Variants in GRM1 observed in about 807,000 individuals in gnomAD.
GRM1 encodes metabotropic glutamate receptor 1.
Under a neutral mutation model 90.9 loss-of-function variants are expected in GRM1, and 33 were observed. That is an observed-to-expected ratio of 0.36 (90% CI 0.28 to 0.49). The LOEUF (loss-of-function observed/expected upper bound fraction) is 0.49, where lower values mean the gene tolerates loss of function less well. Ranked by LOEUF, GRM1 falls within the 20% of genes least tolerant of loss-of-function variation. GRM1 has a pLI of 0.99. For missense variants in GRM1, 1,190 were observed against 1,534.3 expected, an observed-to-expected ratio of 0.78 and a Z score of 3.75; for synonymous variants, 700 against 613.2, an observed-to-expected ratio of 1.14 and a Z score of -2.09.
chr6:146,257,053 CTTT>C (rs1420432213), intron 2 of GRM1, among the ~76,000 whole-genome samples: 2 of 152,122 alleles, frequency 1.3e-5, no homozygotes, highest in Non-Finnish European at 2.9e-5. Context: ...TCTCATCCTT[CTTT>C]ATTTTTTGAA....
intron 2 of GRM1, among the ~76,000 whole-genome samples, chr6:146,255,435 G>A (rs1450400870): frequency 6.6e-6 from 1 of 151,944 alleles, no homozygotes; most frequent in Non-Finnish European, 1.5e-5. Context: ...CATTTCCTAG[G>A]AGAACTGTGG....
intron 1 of GRM1, among the ~76,000 whole-genome samples, chr6:146,065,636 C>T (rs556013055): frequency 2.6e-5 from 4 of 152,272 alleles, no homozygotes; most frequent in Non-Finnish European, 5.9e-5. Context: ...TGGGCCTGAG[C>T]TGTTCAGCCC....
chr6:146,043,798 T>TATATATATATATATAG (rs1457365337), intron 1 of GRM1, among the ~76,000 whole-genome samples: 2 of 145,270 alleles, frequency 1.4e-5, no homozygotes, highest in South Asian at 2.1e-4. Flanking sequence ...TATATATATA[T>TATATATATATATATAG]ATATATATAT....
intron 2 of GRM1, among the ~76,000 whole-genome samples, chr6:146,192,900 AT>A (rs1462823133): frequency 6.6e-6 from 1 of 152,134 alleles, no homozygotes; most frequent in African/African-American, 2.4e-5. Flanking sequence ...AGCTTTTACT[AT>A]CATCCAAGTG....
chr6:146,257,869 G>A (rs1045197612), intron 2 of GRM1, among the ~76,000 whole-genome samples: 1 of 151,952 alleles, frequency 6.6e-6, no homozygotes, highest in Non-Finnish European at 1.5e-5. Context: ...TCTTCAGAGA[G>A]ACATGCAGAA....
Position 146,414,377 on chromosome 6 carries a change from T to TTTATTATTATTATTATTATTATTA in GRM1, c.2660+14684_2660+14707dup, listed in dbSNP as rs56297907. Among the ~76,000 whole-genome samples, 85 of 145,380 alleles carry TTTATTATTATTATTATTATTATTA rather than the reference T, an allele frequency of 5.8e-4. 1 individual carries two copies. The highest frequency in any genetic ancestry group is 2.2e-3 in the East Asian group (11 of 4,942). On this transcript the variant is annotated intron_variant, in intron 7 of 7. Coordinates refer to ENST00000282753, the MANE Select transcript of GRM1 (RefSeq NM_001278064.2). ...TCTTCTTTTATTGGGCCGTTTGCCT[T>TTTATTATTATTATTATTATTATTA]TTATTATTATTATTATTATTATTAT...
chr6:146,197,741 A>C (rs1779169799), intron 2 of GRM1, among the ~76,000 whole-genome samples: 1 of 152,184 alleles, frequency 6.6e-6, no homozygotes, highest in Non-Finnish European at 1.5e-5. Flanking sequence ...TTTCTTTTCT[A>C]TTTGTAATGA....
Position 146,029,513 on chromosome 6 carries a change from C to A in GRM1, c.-5C>A. The A allele has an allele frequency of 1.2e-6, 2 of 1,611,870 alleles. No individual in the cohort carries two copies. Among genetic ancestry groups the A allele is most frequent in the Non-Finnish European group, 1.7e-6 (2 of 1,177,944 alleles). The stretch of plus-strand genomic sequence containing the variant: ...TGGCAGGCTGTGGACCTCGTCCTCA[C>A]CACCATGGTCGGGCTCCTTTTGTTT... On this transcript the variant is annotated 5_prime_UTR_variant, in exon 1 of 8. Transcript: ENST00000282753.
chr6:146,194,897 C>G (rs1779061823), intron 2 of GRM1, among the ~76,000 whole-genome samples: 1 of 152,192 alleles, frequency 6.6e-6, no homozygotes, highest in African/African-American at 2.4e-5. Flanking sequence ...AATTCTGACT[C>G]TGCCACTTAA....
At chr6:146,361,605 T>C (rs1345254566) in intron 5 of GRM1, among the ~76,000 whole-genome samples, 2 of 152,212 alleles carry the variant, frequency 1.3e-5, no homozygotes, top group Non-Finnish European at 2.9e-5. Context: ...GTACAATAGA[T>C]GATTTACAGA....
chr6:146,368,292 A>G (rs117773696), intron 5 of GRM1, among the ~76,000 whole-genome samples: 3,024 of 145,014 alleles, frequency 0.021, 50 homozygotes, highest in Middle Eastern at 0.034. Context: ...AGATTTTTCT[A>G]AATAGATTAT....
intron 2 of GRM1, among the ~76,000 whole-genome samples, chr6:146,187,838 AG>A (rs1470222315): frequency 6.6e-6 from 1 of 152,016 alleles, no homozygotes; most frequent in Non-Finnish European, 1.5e-5. Context: ...TGAATAGATG[AG>A]GTTTTGGAAA....
chr6:146,067,709 A>T (rs1775892690), intron 1 of GRM1, among the ~76,000 whole-genome samples: 1 of 152,164 alleles, frequency 6.6e-6, no homozygotes, highest in Admixed American at 6.5e-5. Context: ...TATTTTTTAA[A>T]AAAGCCTTCT....
chr6:146,248,531 C>T (rs1186879572), intron 2 of GRM1, among the ~76,000 whole-genome samples: 1 of 152,170 alleles, frequency 6.6e-6, no homozygotes, highest in Non-Finnish European at 1.5e-5. Context: ...TTCCCCTTTG[C>T]CTTCTGCCAT....
At chr6:146,105,756 T>G (rs1041718889) in intron 1 of GRM1, among the ~76,000 whole-genome samples, 4 of 152,148 alleles carry the variant, frequency 2.6e-5, no homozygotes. Context: ...AATTTTGAAG[T>G]CCACACTTCA....
chr6:146,309,292 G>A (rs1303798490), intron 3 of GRM1, among the ~76,000 whole-genome samples: 4 of 151,752 alleles, frequency 2.6e-5, no homozygotes, highest in African/African-American at 7.3e-5. Flanking sequence ...CTAGCTACTC[G>A]GGAGGCTGAG....
chr6:146,061,610 C>A (rs1196595276), intron 1 of GRM1, among the ~76,000 whole-genome samples: 1 of 151,930 alleles, frequency 6.6e-6, no homozygotes, highest in Non-Finnish European at 1.5e-5. Flanking sequence ...AGAACTTAAA[C>A]AAATTTACAA....
At chr6:146,301,967 T>A (rs993439222) in intron 2 of GRM1, among the ~76,000 whole-genome samples, 1 of 152,100 alleles carries the variant, frequency 6.6e-6, no homozygotes, top group African/African-American at 2.4e-5. Flanking sequence ...AATGACCTGA[T>A]TGAGTAATAG....
chr6:146,111,203 G>C (rs1775544526), intron 1 of GRM1, among the ~76,000 whole-genome samples: 1 of 152,182 alleles, frequency 6.6e-6, no homozygotes, highest in Admixed American at 6.5e-5. Flanking sequence ...CTGAATCATA[G>C]CACAGCCATT....
Sources: gnomAD v4.1 joint callset for allele counts (sites outside exome capture counted in the v4.1 genomes callset) on GRCh38, gnomAD v4.1.1 for gene constraint, MANE v1.5 for transcripts, NCBI Gene and HGNC (gene_info 2026-07-23, HGNC 2026-07-21) for gene names.